The following CFAP251 variants were observed in gnomAD, a reference collection of about 807,000 sequenced individuals.
CFAP251 encodes the protein cilia- and flagella-associated protein 251.
Under a neutral mutation model 126.7 loss-of-function variants are expected in CFAP251, and 93 were observed. That is an observed-to-expected ratio of 0.73 (90% confidence interval 0.62 to 0.87). The LOEUF is 0.87. CFAP251 is among the 40% of genes least tolerant of loss of function. CFAP251 has a pLI of 0.00. For missense variants in CFAP251, 1,287 were observed against 1,389.2 expected (o/e 0.93, Z 1.17); for synonymous variants, 503 against 506.9 (o/e 0.99, Z 0.10).
At chr12:121,950,161 A>G (rs1417886508) in intron 8 of CFAP251, 1 of 152,270 alleles carries the variant, frequency 6.6e-6, no homozygotes, top group African/African-American at 2.4e-5. Context: ...GTGCTGATAC[A>G]TGCTGTGACA....
At chr12:121,935,724 TCAAG>T (rs1242618276) in intron 5 of CFAP251, among the ~76,000 whole-genome samples, 1 of 152,176 alleles carries the variant, frequency 6.6e-6, no homozygotes, top group African/African-American at 2.4e-5. Flanking sequence ...CTCACTTCGA[TCAAG>T]CGTCAGATAA....
At chr12:121,964,206 G>A (rs553046069) in intron 15 of CFAP251, among the ~76,000 whole-genome samples, 1 of 152,094 alleles carries the variant, frequency 6.6e-6, no homozygotes, top group East Asian at 1.9e-4. Context: ...GAAGGCACAA[G>A]AAAAAATGAC....
In CFAP251 at chr12:121,967,651, G is replaced by A. The variant is rs192447053; in HGVS notation, c.2608-355G>A. On this transcript the variant is annotated intron_variant, in intron 16 of 21. Coordinates refer to ENST00000288912, the MANE Select transcript of CFAP251 (RefSeq NM_144668.6). ...CGGGAGGCGGAGTTTGCAGTAAGCC[G>A]AGATCGCGCCACTGCAGTCCAGCCT... Among the ~76,000 whole-genome samples, 114 of 152,322 alleles carry A rather than the reference G, an allele frequency of 7.5e-4. 1 individual carries two copies. The South Asian group carries it at 9.1e-3, about 12-fold the overall frequency.
At chr12:121,948,719 CAA>C (rs940208790) in intron 7 of CFAP251, 950 of 177,244 alleles carry the variant, frequency 5.4e-3, no homozygotes, top group South Asian at 0.011. Flanking sequence ...GACTCTGGCT[CAA>C]AAAAAAAAAA....
intron 10 of CFAP251, among the ~76,000 whole-genome samples, 194 bp from the exon 11 acceptor site, chr12:121,956,880 G>A (rs1881744748): frequency 6.6e-6 from 1 of 152,062 alleles, no homozygotes; most frequent in African/African-American, 2.4e-5. Context: ...AATGCCCTGA[G>A]CAAATTTCTT....
chr12:121,985,349 C>T (rs1267686326), intron 19 of CFAP251, among the ~76,000 whole-genome samples: 1 of 151,972 alleles, frequency 6.6e-6, no homozygotes, highest in Non-Finnish European at 1.5e-5. Flanking sequence ...GTTTGGCCAA[C>T]ATGGCCAAAC....
chr12:121,991,184 CATCT>C (rs1310491464), intron 19 of CFAP251, among the ~76,000 whole-genome samples: 1 of 152,152 alleles, frequency 6.6e-6, no homozygotes, highest in African/African-American at 2.4e-5. Flanking sequence ...TCCATTCATC[CATCT>C]ATCTATCCAT....
intron 19 of CFAP251, among the ~76,000 whole-genome samples, chr12:121,986,549 T>C (rs1882752347): frequency 1.3e-5 from 2 of 151,288 alleles, no homozygotes; most frequent in South Asian, 4.2e-4. Context: ...TCCTCCCACC[T>C]CGGCCTCCCA....
intron 15 of CFAP251, among the ~76,000 whole-genome samples, chr12:121,965,591 AAAAAG>A (rs1406069904): frequency 6.6e-6 from 1 of 152,224 alleles, no homozygotes; most frequent in Non-Finnish European, 1.5e-5. Context: ...GAAAAGAAAA[AAAAAG>A]GAAGAGTAAG....
At chr12:121,941,098 T>A (rs1881094608) in intron 5 of CFAP251, among the ~76,000 whole-genome samples, 1 of 152,106 alleles carries the variant, frequency 6.6e-6, no homozygotes, top group African/African-American at 2.4e-5. Flanking sequence ...TGGTGTAATC[T>A]TGGCTCACTG....
chr12:121,931,686 A>G, intron 3 of CFAP251, 60 bp from the exon 4 acceptor site: 2 of 1,394,354 alleles, frequency 1.4e-6, no homozygotes, highest in Non-Finnish European at 1.9e-6. Flanking sequence ...GAGTTCCTGG[A>G]GCCCCAGCTC....
intron 3 of CFAP251, among the ~76,000 whole-genome samples, chr12:121,925,388 T>C (rs967816201): frequency 1.3e-5 from 2 of 152,198 alleles, no homozygotes; most frequent in African/African-American, 2.4e-5. Context: ...CTTTGGAAGA[T>C]GTGGAAGCGA....
rs143664948 is a variant in CFAP251 at position 121,939,792 on chromosome 12, G to A, written c.999-2742G>A. ...ACCGTAGTTCTTCCTCCAGTTTTTC[G>A]CTCAGCTTAAAAATCTTACTCTGTT... On this transcript the variant is annotated intron_variant, in intron 5 of 21. Coordinates refer to ENST00000288912, the MANE Select transcript of CFAP251 (RefSeq NM_144668.6). 4.5e-3 allele frequency among the ~76,000 whole-genome samples: 685 copies of A among 152,024 alleles called. 6 individuals are homozygous for A. Among genetic ancestry groups the A allele is most frequent in the African/African-American group, 0.016 (645 of 41,462 alleles).
intron 19 of CFAP251, among the ~76,000 whole-genome samples, chr12:121,981,000 G>T (rs952368863): frequency 1.1e-4 from 17 of 152,224 alleles, no homozygotes; most frequent in African/African-American, 4.1e-4. Flanking sequence ...GAGAGCGAGG[G>T]TCTGTGCGGT....
intron 21 of CFAP251, among the ~76,000 whole-genome samples, chr12:122,002,854 AC>A (rs1302289395): frequency 1.3e-5 from 2 of 151,690 alleles, no homozygotes; most frequent in Non-Finnish European, 2.9e-5. Flanking sequence ...GGGTGCAAAG[AC>A]CCCTCACCCA....
intron 19 of CFAP251, among the ~76,000 whole-genome samples, chr12:121,984,907 A>C (rs1229977366): frequency 2.0e-5 from 3 of 152,198 alleles, no homozygotes; most frequent in Admixed American, 1.3e-4. Context: ...TGTAAACTTA[A>C]GTCTAATCCT....
At chr12:121,995,562 G>A (rs1016243535) in intron 19 of CFAP251, among the ~76,000 whole-genome samples, 1 of 152,052 alleles carries the variant, frequency 6.6e-6, no homozygotes, top group African/African-American at 2.4e-5. Context: ...GAGTGCAGTG[G>A]CACAATCAGG....
intron 9 of CFAP251, chr12:121,953,911 C>CATAA: frequency 1.7e-6 from 1 of 577,176 alleles, no homozygotes; most frequent in South Asian, 2.1e-5. Context: ...GAACAGAGTA[C>CATAA]ATAACCCTTC....
rs756123184 is a variant in CFAP251 at position 121,961,964 on chromosome 12, G to A, written c.2308-14G>A. ...GCTTGGTCCTCATGTGTGTCCATCTGGGCTCCTCTGCAGATAGAGTATGAT... is the reference window on the plus strand; with the variant it reads ...GCTTGGTCCTCATGTGTGTCCATCTAGGCTCCTCTGCAGATAGAGTATGAT... On this transcript the variant is annotated splice_polypyrimidine_tract_variant and intron_variant, in intron 14 of 21. Transcript: ENST00000288912. The A allele has an allele frequency of 6.8e-6, 11 of 1,610,592 alleles. No individual in the cohort carries two copies. Among genetic ancestry groups the A allele is most frequent in the Non-Finnish European group, 9.3e-6 (11 of 1,178,882 alleles).
Sources: allele counts gnomAD v4.1 joint callset (sites outside exome capture counted in the v4.1 genomes callset), GRCh38; gene constraint gnomAD v4.1.1; transcripts MANE v1.5; gene names NCBI Gene and HGNC (gene_info 2026-07-23, HGNC 2026-07-21).